The following KSR1 variants were observed in gnomAD, a reference collection of about 807,000 sequenced individuals.
KSR1 encodes kinase suppressor of ras.
A neutral mutation model predicts 92.9 loss-of-function variants in KSR1; 35 were observed. The ratio of observed to expected loss-of-function variants is 0.38; its 90% confidence interval spans 0.29 to 0.50. KSR1 has a LOEUF of 0.50. Ranked by LOEUF, KSR1 falls within the 20% of genes least tolerant of loss-of-function variation. KSR1 has a pLI of 0.94. For synonymous variants in KSR1, 467 were observed against 472.6 expected, an observed-to-expected ratio of 0.99 and a Z score of 0.15; for missense variants, 972 against 1,158.5, an observed-to-expected ratio of 0.84 and a Z score of 2.34.
chr17:27,589,205 T>A lies in KSR1; in HGVS notation c.1046+670T>A, dbSNP rs530659990. Among the ~76,000 whole-genome samples, 6 of 152,296 alleles carry A rather than the reference T, an allele frequency of 3.9e-5. No individual in the cohort carries two copies. In the South Asian group the frequency reaches 1.2e-3, roughly 32 times the overall value. Reference sequence around the variant, plus strand: ...ATTTACACGGCGTATCTGTGATCCTTCCCAAATCCTGTGAGGCTTAGCATT... The same window carrying A: ...ATTTACACGGCGTATCTGTGATCCTACCCAAATCCTGTGAGGCTTAGCATT... On this transcript the variant is annotated intron_variant, in intron 6 of 20. Coordinates refer to ENST00000644974, the MANE Select transcript of KSR1 (RefSeq NM_001394583.1).
At chr17:27,596,228 G>A (rs2177239) in intron 9 of KSR1, among the ~76,000 whole-genome samples, 63,699 of 152,084 alleles carry the variant, frequency 0.42, 13,525 homozygotes, top group Middle Eastern at 0.46. Flanking sequence ...CTTGGAGCTT[G>A]AAGCCCTCAC....
At chr17:27,611,214 A>C in intron 17 of KSR1, 1 of 418,262 alleles carries the variant, frequency 2.4e-6, no homozygotes, top group South Asian at 3.4e-5. Flanking sequence ...TGCAGCTAGA[A>C]GGTGGCAGAG....
In KSR1 at chr17:27,461,664, T is replaced by C. The variant is rs540609196; in HGVS notation, c.231+4790T>C. On this transcript the variant is annotated intron_variant, in intron 1 of 20. Coordinates refer to ENST00000644974, the MANE Select transcript of KSR1 (RefSeq NM_001394583.1). ...TCCCAAATGTTTCTTAGAGGCAGCC[T>C]GGAGGGAGACCCGCAGTGGCTGTGA... Among the ~76,000 whole-genome samples the C allele has an allele frequency of 1.1e-3, 170 of 152,300 alleles. 5 individuals are homozygous for C. In the South Asian group the frequency reaches 0.033, roughly 30 times the overall value.
At chr17:27,461,883 TG>T (rs2019465856) in intron 1 of KSR1, among the ~76,000 whole-genome samples, 2 of 152,226 alleles carry the variant, frequency 1.3e-5, no homozygotes, top group South Asian at 4.1e-4. Flanking sequence ...TGTCTGGAGA[TG>T]GACCATGCGG....
At chr17:27,556,315 A>G (rs2151102691) in intron 2 of KSR1, among the ~76,000 whole-genome samples, 1 of 152,274 alleles carries the variant, frequency 6.6e-6, no homozygotes, top group Admixed American at 6.5e-5. Flanking sequence ...CCTGGGCTCA[A>G]GCGATCCTCC....
chr17:27,546,770 AG>A (rs2071190416), intron 1 of KSR1, among the ~76,000 whole-genome samples: 1 of 152,148 alleles, frequency 6.6e-6, no homozygotes, highest in Non-Finnish European at 1.5e-5. Context: ...AAGCCAGGAT[AG>A]GGCACATGAG....
chr17:27,477,189 C>T (rs1195286975), intron 1 of KSR1, among the ~76,000 whole-genome samples: 1 of 152,150 alleles, frequency 6.6e-6, no homozygotes, highest in Non-Finnish European at 1.5e-5. Context: ...TTTTAGCTGG[C>T]TTCTTTGCTG....
intron 20 of KSR1, chr17:27,622,152 T>C: frequency 1.7e-6 from 1 of 587,840 alleles, no homozygotes; most frequent in Non-Finnish European, 3.0e-6. Context: ...AAGTAACTGC[T>C]CTCAGAGGAT....
Position 27,584,055 on chromosome 17 carries a change from T to TA in KSR1, c.980+950_980+951insA, listed in dbSNP as rs1340688201. 7.0e-5 allele frequency: 60 copies of TA among 858,744 alleles called. 1 individual carries two copies. The South Asian group carries it at 3.0e-3, about 43-fold the overall frequency. The allele number at this position is 858,744 out of a possible 1,614,324, so 53.2% of individuals were successfully genotyped here. Reference sequence around the variant, plus strand: ...CTTGATGGGCGTTAGATCATTGTCTTTTTTGTTACAAAGATTGCCCTTGTC... The same window carrying TA: ...CTTGATGGGCGTTAGATCATTGTCTTATTTTGTTACAAAGATTGCCCTTGTC... On this transcript the variant is annotated intron_variant, in intron 4 of 20. Coordinates refer to ENST00000644974, the MANE Select transcript of KSR1 (RefSeq NM_001394583.1).
chr17:27,590,947 A>G lies in KSR1; in HGVS notation c.1130+53A>G, dbSNP rs938074829. On this transcript the variant is annotated intron_variant, in intron 7 of 20. Coordinates refer to ENST00000644974, the MANE Select transcript of KSR1 (RefSeq NM_001394583.1). The stretch of plus-strand genomic sequence containing the variant: ...GGAGCAGACACTTTTAGTTCAGTAA[A>G]TCAAATGCGCTTCCCTATGCTTGCT... 3 of 1,463,062 alleles carry G rather than the reference A, an allele frequency of 2.1e-6. No homozygotes were observed. The African/African-American group carries it at 4.2e-5, about 20-fold the overall frequency. The allele number at this position is 1,463,062 out of a possible 1,614,324, so 90.6% of individuals were successfully genotyped here.
intron 1 of KSR1, among the ~76,000 whole-genome samples, chr17:27,477,720 T>G (rs569493371): frequency 3.3e-5 from 5 of 151,740 alleles, no homozygotes; most frequent in African/African-American, 1.2e-4. Flanking sequence ...TCTCTTCTTT[T>G]TTTTTTTTTT....
At chr17:27,506,059 G>T (rs1465054700) in intron 1 of KSR1, among the ~76,000 whole-genome samples, 1 of 152,176 alleles carries the variant, frequency 6.6e-6, no homozygotes, top group African/African-American at 2.4e-5. Context: ...AAAACAACTG[G>T]TTCAGGGCCC....
chr17:27,605,426 C>T lies in KSR1; in HGVS notation c.1615-8C>T. The T allele has an allele frequency of 6.2e-7, 1 of 1,607,416 alleles. No homozygotes were observed. The highest frequency in any genetic ancestry group is 8.5e-7 in the Non-Finnish European group (1 of 1,178,610). ...TGCCCATCCCTGTTCTTCCTGCTCT[C>T]CTTTCAGGCTGAGGAGCCAGAGGCT... On this transcript the variant is annotated splice_region_variant and splice_polypyrimidine_tract_variant and intron_variant, in intron 13 of 20. Transcript: ENST00000644974.
intron 1 of KSR1, among the ~76,000 whole-genome samples, chr17:27,537,859 C>T (rs747684495): frequency 8.5e-5 from 13 of 152,130 alleles, no homozygotes; most frequent in African/African-American, 2.2e-4. Context: ...AATAACTCAA[C>T]GTGCATCAAA....
At chr17:27,514,931 C>A (rs73271943) in intron 1 of KSR1, among the ~76,000 whole-genome samples, 4 of 152,144 alleles carry the variant, frequency 2.6e-5, no homozygotes, top group African/African-American at 9.7e-5. Flanking sequence ...CTGGAAGTAC[C>A]AAGCAATAGG....
At chr17:27,533,668 C>G (rs1339203851) in intron 1 of KSR1, among the ~76,000 whole-genome samples, 1 of 152,112 alleles carries the variant, frequency 6.6e-6, no homozygotes, top group Admixed American at 6.5e-5. Flanking sequence ...AGGTGTGAGC[C>G]CCCGCACCCA....
chr17:27,526,906 G>C (rs2070326683), intron 1 of KSR1: 1 of 632,096 alleles, frequency 1.6e-6, no homozygotes, highest in South Asian at 1.9e-5. Flanking sequence ...TCCTTCCCTA[G>C]GACTTGGTTA....
intron 19 of KSR1, among the ~76,000 whole-genome samples, chr17:27,618,397 G>A (rs544324705): frequency 5.3e-4 from 80 of 152,204 alleles, no homozygotes; most frequent in Non-Finnish European, 9.4e-4. Flanking sequence ...TGAGAACCTG[G>A]GAAGTTTGTT....
intron 1 of KSR1, among the ~76,000 whole-genome samples, chr17:27,511,950 A>T (rs947381931): frequency 6.6e-6 from 1 of 152,230 alleles, no homozygotes; most frequent in Non-Finnish European, 1.5e-5. Flanking sequence ...ACTCTGATTG[A>T]TGTGGACTTT....
Sources: gnomAD v4.1 joint callset for allele counts (sites outside exome capture counted in the v4.1 genomes callset) on GRCh38, gnomAD v4.1.1 for gene constraint, MANE v1.5 for transcripts, NCBI Gene and HGNC (gene_info 2026-07-23, HGNC 2026-07-21) for gene names.